SV2C: variants seen among roughly 807,000 people sequenced by gnomAD.
SV2C encodes the protein solute carrier family 22 member B3.
Under a neutral mutation model 79.7 loss-of-function variants are expected in SV2C, and 49 were observed. That is an observed-to-expected ratio of 0.61 (90% CI 0.49 to 0.78). SV2C has a LOEUF of 0.78. Among genes scored for constraint, SV2C ranks in the 30% least tolerant of loss-of-function variants. SV2C has a pLI of 0.00. For synonymous variants in SV2C, 334 were observed against 333.2 expected (o/e 1.00, Z -0.03); for missense variants, 833 against 912.9 (o/e 0.91, Z 1.13).
chr5:75,857,065 C>G, the SV2C span, among the ~76,000 whole-genome samples: 1 of 149,590 alleles, frequency 6.7e-6, no homozygotes, highest in Non-Finnish European at 1.5e-5. Context: ...CAAGCCGATT[C>G]TCCTGCCTCA....
At chr5:76,351,852 T>C (rs1031329313) in intron 12 of SV2C, among the ~76,000 whole-genome samples, 4 of 152,102 alleles carry the variant, frequency 2.6e-5, no homozygotes, top group Non-Finnish European at 4.4e-5. Flanking sequence ...TGCATGCAAA[T>C]AGTTCTGTCA....
At chr5:75,926,378 T>C in the SV2C span, among the ~76,000 whole-genome samples, 4 of 152,222 alleles carry the variant, frequency 2.6e-5, no homozygotes, top group Admixed American at 6.5e-5. Flanking sequence ...GACATTACAA[T>C]TGGTATTAAA....
chr5:75,976,883 C>T, the SV2C span, among the ~76,000 whole-genome samples: 26 of 152,098 alleles, frequency 1.7e-4, no homozygotes, highest in Non-Finnish European at 2.5e-4. Flanking sequence ...TCCAACATAG[C>T]GGTACATCCC....
rs748341143 is a variant in SV2C, at chr5:76,131,913, G to A, written c.163G>A (p.Asp55Asn). The A allele has an allele frequency of 6.2e-7, 1 of 1,614,098 alleles. No individual in the cohort carries two copies. The change falls in exon 2 of 13, where the codon GAT becomes AAT. Residue 55 changes from aspartate (D) to asparagine (N), a missense_variant. Asp to Asn is a conservative substitution (Grantham distance 23, BLOSUM62 1). Coordinates refer to ENST00000502798, the MANE Select transcript of SV2C (RefSeq NM_014979.4). ...SYSRFQDEED[D>N]DDYYPAGETY... ...CAGTCGGTTCCAAGATGAAGAAGAT[G>A]ATGATGACTACTACCCGGCTGGAGA...
the SV2C span, among the ~76,000 whole-genome samples, chr5:76,029,451 TCATTGAATAGA>T: frequency 8.5e-3 from 1,298 of 152,124 alleles, 16 homozygotes; most frequent in African/African-American, 0.03. Context: ...TCCCAGAGAG[TCATTGAATAGA>T]CATGAGGTGG....
chr5:76,120,177 C>T (rs1748432068), intron 1 of SV2C, among the ~76,000 whole-genome samples: 1 of 151,962 alleles, frequency 6.6e-6, no homozygotes. Context: ...TACCAGCACA[C>T]ATTTCATAAA....
chr5:75,935,588 A>G, the SV2C span, among the ~76,000 whole-genome samples: 1 of 152,244 alleles, frequency 6.6e-6, no homozygotes. Flanking sequence ...TATAGATACT[A>G]TAGAGCTGTT....
chr5:75,900,211 C>T, the SV2C span, among the ~76,000 whole-genome samples: 2 of 152,102 alleles, frequency 1.3e-5, no homozygotes, highest in Non-Finnish European at 2.9e-5. Context: ...CCAGTTGTTC[C>T]TTTCCATGTT....
At chr5:75,938,603 T>A in the SV2C span, among the ~76,000 whole-genome samples, 2 of 152,108 alleles carry the variant, frequency 1.3e-5, no homozygotes, top group Non-Finnish European at 2.9e-5. Flanking sequence ...GCAAAATGAA[T>A]CAGTGGTACC....
At chr5:76,033,506 TC>T in the SV2C span, among the ~76,000 whole-genome samples, 4 of 152,362 alleles carry the variant, frequency 2.6e-5, no homozygotes, top group African/African-American at 9.6e-5. Context: ...AAAGAGGGAA[TC>T]CTTTCCCCAT....
At chr5:76,259,664 G>A (rs971362386) in intron 4 of SV2C, among the ~76,000 whole-genome samples, 49 of 145,414 alleles carry the variant, frequency 3.4e-4, no homozygotes, top group African/African-American at 1.2e-3. Context: ...TGTTCTCATT[G>A]TTCACCTCCC....
In SV2C at chr5:76,268,274, T is replaced by C. The variant is rs558373719; in HGVS notation, c.914-16888T>C. ...AGCTGCAGTGAAGCAAGTTTTCTTA[T>C]TGAGAGGTGAGTTGTGATGGTGGAT... On this transcript the variant is annotated intron_variant, in intron 4 of 12. Transcript: ENST00000502798. Among the ~76,000 whole-genome samples, 9 of 152,176 alleles carry C rather than the reference T, an allele frequency of 5.9e-5. No individual in the cohort carries two copies. In the East Asian group the frequency reaches 1.5e-3, roughly 26 times the overall value.
the SV2C span, among the ~76,000 whole-genome samples, chr5:76,047,859 G>A: frequency 2.6e-4 from 39 of 147,454 alleles, no homozygotes; most frequent in South Asian, 3.8e-3. Flanking sequence ...TCCGCCTCCC[G>A]GGTTCACTCC....
the SV2C span, among the ~76,000 whole-genome samples, chr5:75,984,567 A>ATCTATATCTATCTATCTATCTATC: frequency 4.5e-4 from 46 of 102,920 alleles, no homozygotes; most frequent in African/African-American, 1.2e-3. Flanking sequence ...CTATCTATCT[A>ATCTATATCTATCTATCTATCTATC]TATCTATCTA....
chr5:76,043,934 C>T, the SV2C span, among the ~76,000 whole-genome samples: 1 of 152,090 alleles, frequency 6.6e-6, no homozygotes, highest in African/African-American at 2.4e-5. Flanking sequence ...TTCTGGGATA[C>T]ATGTGCAGCA....
At chr5:76,102,521 G>A (rs1269206553) in intron 1 of SV2C, among the ~76,000 whole-genome samples, 2 of 152,174 alleles carry the variant, frequency 1.3e-5, no homozygotes, top group African/African-American at 4.8e-5. Flanking sequence ...GTTCACTCTG[G>A]TGAACCCAGG....
chr5:76,090,609 G>A (rs982156172), intron 1 of SV2C, among the ~76,000 whole-genome samples: 2 of 151,662 alleles, frequency 1.3e-5, no homozygotes, highest in Non-Finnish European at 2.9e-5. Context: ...CCTATTCTTC[G>A]GTGACTGCAG....
chr5:76,111,563 C>T (rs988409965), intron 1 of SV2C, among the ~76,000 whole-genome samples: 4 of 152,106 alleles, frequency 2.6e-5, no homozygotes, highest in African/African-American at 7.2e-5. Context: ...CCATTGCTGC[C>T]GATGGAGACT....
intron 4 of SV2C, among the ~76,000 whole-genome samples, chr5:76,237,044 A>C (rs780261580): frequency 6.6e-6 from 1 of 152,178 alleles, no homozygotes; most frequent in Non-Finnish European, 1.5e-5. Flanking sequence ...CTTTGCCTTC[A>C]ATCATGATTG....
Sources: allele counts gnomAD v4.1 joint callset (sites outside exome capture counted in the v4.1 genomes callset), GRCh38; gene constraint gnomAD v4.1.1; transcripts MANE v1.5; gene names NCBI Gene and HGNC (gene_info 2026-07-23, HGNC 2026-07-21).